LCA5: variants seen among roughly 807,000 people sequenced by gnomAD.
The protein encoded by LCA5 is lebercilin.
In LCA5, 37 loss-of-function variants were observed where a neutral mutation model predicts 53.0. The observed-to-expected ratio is 0.70, with a 90% CI of 0.54 to 0.92. The LOEUF (loss-of-function observed/expected upper bound fraction) is 0.92, where lower values mean the gene tolerates loss of function less well. Among genes scored for constraint, LCA5 ranks in the 40% least tolerant of loss-of-function variants. The pLI, the probability that LCA5 is intolerant of heterozygous loss-of-function variation, is 0.00. For synonymous variants in LCA5, 303 were observed against 282.9 expected (o/e 1.07, Z -0.71); for missense variants, 806 against 790.5 (o/e 1.02, Z -0.23).
intron 4 of LCA5, among the ~76,000 whole-genome samples, chr6:79,492,859 G>A (rs932043043): frequency 6.6e-6 from 1 of 151,922 alleles, no homozygotes; most frequent in African/African-American, 2.4e-5. Context: ...ATATGTCCTG[G>A]AAATTAAAAA....
intron 3 of LCA5, among the ~76,000 whole-genome samples, chr6:79,500,139 T>C (rs1464691949): frequency 6.6e-6 from 1 of 152,114 alleles, no homozygotes; most frequent in African/African-American, 2.4e-5. Flanking sequence ...CTATTGTGAA[T>C]AGTGCCGCAG....
chr6:79,497,606 G>C (rs374970521), intron 3 of LCA5, among the ~76,000 whole-genome samples: 22 of 152,288 alleles, frequency 1.4e-4, no homozygotes, highest in African/African-American at 4.3e-4. Context: ...CAGATAAAAG[G>C]AGGCTAGAAA....
intron 1 of LCA5, among the ~76,000 whole-genome samples, chr6:79,536,788 G>A (rs947375243): frequency 1.2e-4 from 18 of 152,114 alleles, no homozygotes; most frequent in African/African-American, 4.3e-4. Context: ...GGCCTCCGGG[G>A]TTTTTGTTTT....
chr6:79,517,062 A>C (rs920434645), intron 2 of LCA5, among the ~76,000 whole-genome samples: 6 of 152,072 alleles, frequency 3.9e-5, no homozygotes. Context: ...AAATTCGTTT[A>C]AAATGCTGTT....
chr6:79,490,309 GA>G (rs11384548), intron 6 of LCA5, among the ~76,000 whole-genome samples: 1 of 151,150 alleles, frequency 6.6e-6, no homozygotes, highest in African/African-American at 2.4e-5. Flanking sequence ...AAAAGAAAAA[GA>G]AAAAAAAATT....
chr6:79,517,652 T>C (rs1182675791), intron 2 of LCA5, among the ~76,000 whole-genome samples: 3 of 152,154 alleles, frequency 2.0e-5, no homozygotes, highest in South Asian at 2.1e-4. Flanking sequence ...GTTAGAAGTA[T>C]GGAAATCCCT....
chr6:79,528,673 T>C (rs183984255), intron 1 of LCA5, among the ~76,000 whole-genome samples: 36 of 152,334 alleles, frequency 2.4e-4, no homozygotes, highest in Admixed American at 9.8e-4. Context: ...AGCACTCTTC[T>C]AGTGGTCAAC....
At chr6:79,492,843 A>T (rs2127669365) in intron 4 of LCA5, among the ~76,000 whole-genome samples, 196 bp from the exon 5 acceptor site, 1 of 152,194 alleles carries the variant, frequency 6.6e-6, no homozygotes, top group East Asian at 1.9e-4. Context: ...TTCCCTAAAA[A>T]GTCTAATATG....
At chr6:79,488,638 G>A (rs1397858021) in intron 7 of LCA5, 2 of 201,418 alleles carry the variant, frequency 9.9e-6, no homozygotes, top group African/African-American at 4.6e-5. Context: ...TCCTAGTTTG[G>A]GGAAATATAC....
Position 79,513,472 on chromosome 6 carries a change from C to T in LCA5, c.460G>A (p.Glu154Lys), listed in dbSNP as rs751706253. ...EKALNKFEDA[E>K]NEISQLIFRH... ...AATATAAGTTGTGAGATTTCATTTT[C>T]GGCATCTTCAAACTTATTCAGGGCT... Residue 154 changes from glutamate (E) to lysine (K), a missense_variant, in exon 3 of 8, where the codon GAA becomes AAA. Glu to Lys is a moderately conservative substitution (Grantham distance 56). Coordinates refer to ENST00000369846, the MANE Select transcript of LCA5 (RefSeq NM_001122769.3). 17 of 1,613,730 alleles carry T rather than the reference C, an allele frequency of 1.1e-5. No individual in the cohort carries two copies. Among genetic ancestry groups the T allele is most frequent in the East Asian group, 4.5e-5 (2 of 44,886 alleles).
Position 79,487,369 on chromosome 6 carries a change from A to C in LCA5, c.1729T>G (p.Leu577Val). The change falls in exon 8 of 8, where the codon TTG (leucine) becomes GTG (valine). Residue 577 changes from leucine to valine, a missense_variant. Leu to Val is a conservative substitution (Grantham distance 32). Transcript: ENST00000369846. ...TCCATACTGTTTCTTTGGAAATCCA[A>C]AAAACTACTTTTTTGACTAAATGGA... is the stretch of plus-strand genomic sequence containing the variant. ...SNPFSQKSSFLDFQRNSMEKL... is the reference protein window; with the variant it reads ...SNPFSQKSSFVDFQRNSMEKL... 1 of 1,612,878 alleles carries C rather than the reference A, an allele frequency of 6.2e-7. No individual in the cohort carries two copies. Among genetic ancestry groups the C allele is most frequent in the South Asian group, 1.1e-5 (1 of 90,798 alleles).
chr6:79,490,025 A>G (rs781124407), intron 6 of LCA5, among the ~76,000 whole-genome samples: 2 of 152,186 alleles, frequency 1.3e-5, no homozygotes, highest in African/African-American at 4.8e-5. Context: ...CCAACCATAC[A>G]CAAGAGGGCT....
At chr6:79,534,685 A>C (rs1345099042) in intron 1 of LCA5, among the ~76,000 whole-genome samples, 3 of 152,150 alleles carry the variant, frequency 2.0e-5, no homozygotes, top group Non-Finnish European at 2.9e-5. Flanking sequence ...GCCTAAATTG[A>C]GTCTTACGGT....
intron 3 of LCA5, among the ~76,000 whole-genome samples, chr6:79,512,558 T>C (rs1220373391): frequency 2.6e-5 from 4 of 152,160 alleles, no homozygotes; most frequent in Non-Finnish European, 5.9e-5. Context: ...TTTCGTACCT[T>C]TGCTTTCCAA....
rs1295502667 is a variant in LCA5, at chr6:79,513,623, C to G, written c.309G>C (p.Arg103=). The change falls in exon 3 of 8, where the codon CGG becomes CGC. Residue 103 remains arginine (R), a synonymous_variant. Coordinates refer to ENST00000369846, the MANE Select transcript of LCA5 (RefSeq NM_001122769.3). ...TTTTTAGCAGTCTTGCAGACAGAAT[C>G]CGTTTTGTAACAAGATCAGTATCTT... ...LRKDTDLVTK[R]ILSARLLKIN... The G allele has an allele frequency of 1.9e-6, 3 of 1,613,812 alleles. No homozygotes were observed. The South Asian group carries it at 3.3e-5, about 18-fold the overall frequency.
chr6:79,493,612 C>A lies in LCA5; in HGVS notation c.858+1G>T. 1 of 1,611,250 alleles carries A rather than the reference C, an allele frequency of 6.2e-7. No individual in the cohort carries two copies. The highest frequency in any genetic ancestry group is 8.5e-7 in the Non-Finnish European group (1 of 1,177,640). ...AAAACAATGCAATTTAAAATACTTA[C>A]CTTTAATTTGTGATATAGTCGCTGT... On this transcript the variant is annotated splice_donor_variant, in intron 4 of 7. Coordinates refer to ENST00000369846, the MANE Select transcript of LCA5 (RefSeq NM_001122769.3). LOFTEE classifies it high-confidence loss of function.
chr6:79,518,432 A>C (rs1392832051), intron 2 of LCA5, among the ~76,000 whole-genome samples: 1 of 152,136 alleles, frequency 6.6e-6, no homozygotes, highest in African/African-American at 2.4e-5. Flanking sequence ...CCCCAAGACA[A>C]GCATTTATTT....
intron 7 of LCA5, 81 bp from the exon 8 acceptor site, chr6:79,487,947 C>T: frequency 9.3e-7 from 1 of 1,071,588 alleles, no homozygotes; most frequent in Non-Finnish European, 1.4e-6. Flanking sequence ...TTTCATAAAA[C>T]CACCATATTT....
At chr6:79,533,769 G>A (rs1024769465) in intron 1 of LCA5, among the ~76,000 whole-genome samples, 5 of 151,342 alleles carry the variant, frequency 3.3e-5, no homozygotes, top group African/African-American at 9.7e-5. Context: ...TATCTAATTC[G>A]TCTGACTCTA....
Sources: gnomAD v4.1 joint callset for allele counts (sites outside exome capture counted in the v4.1 genomes callset) on GRCh38, gnomAD v4.1.1 for gene constraint, MANE v1.5 for transcripts, NCBI Gene and HGNC (gene_info 2026-07-23, HGNC 2026-07-21) for gene names.